DMXL2: variants seen among roughly 807,000 people sequenced by gnomAD.
DMXL2 encodes dmX-like protein 2.
A neutral mutation model predicts 331.1 loss-of-function variants in DMXL2; 103 were observed. The observed-to-expected ratio is 0.31, with a 90% confidence interval of 0.27 to 0.37. The LOEUF is 0.37. DMXL2 is among the 10% of genes least tolerant of loss of function. The probability of loss-of-function intolerance (pLI) is 1.00; values close to 1 mark genes in which losing one functional copy is unlikely to be tolerated. For synonymous variants in DMXL2, 1,281 were observed against 1,252.1 expected, an observed-to-expected ratio of 1.02 and a Z score of -0.49; for missense variants, 3,171 against 3,642.9, an observed-to-expected ratio of 0.87 and a Z score of 3.33.
chr15:51,547,118 T>C, intron 7 of DMXL2, 112 bp downstream of exon 7: 1 of 699,036 alleles, frequency 1.4e-6, no homozygotes, highest in South Asian at 3.0e-5. Flanking sequence ...GGCAGCTTGA[T>C]GCCAGAGCCT....
intron 13 of DMXL2, among the ~76,000 whole-genome samples, chr15:51,526,356 C>A (rs1450098352): frequency 6.6e-6 from 1 of 152,126 alleles, no homozygotes; most frequent in Non-Finnish European, 1.5e-5. Flanking sequence ...GGCTTGGGGT[C>A]CCCCCAAAGC....
In DMXL2 at chr15:51,535,721, TAG is replaced by T; in HGVS notation, c.2376_2377del (p.Tyr793SerfsTer12). 1.2e-6 allele frequency: 2 copies of T among 1,610,438 alleles called. No individual in the cohort carries two copies. Among genetic ancestry groups the T allele is most frequent in the Non-Finnish European group, 1.7e-6 (2 of 1,178,172 alleles). On this transcript the variant is annotated frameshift_variant, in exon 13 of 44. Transcript: ENST00000560891. LOFTEE classifies it high-confidence loss of function. The stretch of plus-strand genomic sequence containing the variant: ...TTTCCTTGCATCCACTACAGCTTGA[TAG>T]AGTCTCAGATTTTTGCCATCAGAAG...
chr15:51,575,612 T>C (rs540774450), intron 2 of DMXL2, among the ~76,000 whole-genome samples: 18 of 152,300 alleles, frequency 1.2e-4, no homozygotes, highest in African/African-American at 4.3e-4. Context: ...AAATCTTTCA[T>C]TATGTTAACA....
intron 15 of DMXL2, among the ~76,000 whole-genome samples, chr15:51,511,303 G>A (rs763762713): frequency 3.0e-4 from 46 of 152,084 alleles, no homozygotes; most frequent in Non-Finnish European, 5.4e-4. Flanking sequence ...ATCTGACAAA[G>A]GGCTAATATC....
intron 13 of DMXL2, among the ~76,000 whole-genome samples, chr15:51,527,934 C>A (rs1397099223): frequency 4.0e-5 from 6 of 151,468 alleles, no homozygotes; most frequent in African/African-American, 1.5e-4. Context: ...AAAGTTGTAG[C>A]AGGACAAAGT....
chr15:51,564,099 A>C (rs373108749), intron 5 of DMXL2, 26 bp downstream of exon 5: 80 of 1,571,760 alleles, frequency 5.1e-5, no homozygotes, highest in Non-Finnish European at 6.0e-6. Flanking sequence ...TAATTAATGA[A>C]TATAACAATA....
rs2043480674 is a variant in DMXL2, at chr15:51,500,128, T to G, written c.3096A>C (p.Glu1032Asp). 1.9e-6 allele frequency: 3 copies of G among 1,614,180 alleles called. No individual in the cohort carries two copies. The highest frequency in any genetic ancestry group is 2.5e-6 in the Non-Finnish European group (3 of 1,180,012). The change falls in exon 18 of 44, where the codon GAA (glutamate) becomes GAC (aspartate). Residue 1032 changes from glutamate (E) to aspartate (D), a missense_variant. This residue lies in a region of DMXL2 where 1,674 missense variants were observed against 1,780.2 expected (regional missense o/e 0.94). Coordinates refer to ENST00000560891, the MANE Select transcript of DMXL2 (RefSeq NM_001378457.1). ...NKVRFWKCCM[E>D]ANPECNKSDE... ...CACTTTTATTACACTCTGGGTTGGC[T>G]TCCATACAACATTTCCAGAAGCGTA...
intron 23 of DMXL2, among the ~76,000 whole-genome samples, chr15:51,483,290 G>C (rs1335676162): frequency 6.6e-6 from 1 of 152,162 alleles, no homozygotes; most frequent in Non-Finnish European, 1.5e-5. Context: ...GTCACCTCTG[G>C]CATGCGCACT....
Position 51,464,708 on chromosome 15 carries a change from T to C in DMXL2, c.7775A>G (p.Lys2592Arg). ...VGAGPAILRN[K>R]AMLEPENTPF... is the part of the protein sequence containing the mutation. ...GGTATTTTCAGGTTCTAGCATTGCT[T>C]TATTTCGAAGAATAGCTGGTCCAGC... is the stretch of plus-strand genomic sequence containing the variant. The change falls in exon 32 of 44, where the codon AAA becomes AGA. Residue 2592 changes from lysine to arginine, a missense_variant. By Grantham distance (26) the Lys-to-Arg change is conservative (BLOSUM62 2). Transcript: ENST00000560891. The C allele has an allele frequency of 6.2e-7, 1 of 1,614,170 alleles. No homozygotes were observed. The highest frequency in any genetic ancestry group is 8.5e-7 in the Non-Finnish European group (1 of 1,180,006).
chr15:51,577,213 G>A (rs1238228062), intron 1 of DMXL2, among the ~76,000 whole-genome samples: 1 of 152,148 alleles, frequency 6.6e-6, no homozygotes, highest in Admixed American at 6.6e-5. Flanking sequence ...CCCTTAAGCA[G>A]TGTGGTTACG....
In DMXL2 at chr15:51,471,335, G is replaced by A. The variant is rs1037429680; in HGVS notation, c.7280C>T (p.Pro2427Leu). ...RRRFNMRMLV[P>L]GRPVKDATPP... ...GGTAGCATCTTTTACAGGCCTTCCA[G>A]GGACGAGCATTCTCATGTTAAATCT... The change falls in exon 29 of 44, where the codon CCT becomes CTT. Residue 2427 changes from proline to leucine, a missense_variant. This residue lies in a region of DMXL2 where 766 missense variants were observed against 940.5 expected (regional missense o/e 0.81). Transcript: ENST00000560891. The A allele has an allele frequency of 6.2e-7, 1 of 1,613,720 alleles. No individual in the cohort carries two copies. Among genetic ancestry groups the A allele is most frequent in the African/African-American group, 1.3e-5 (1 of 74,842 alleles).
In DMXL2 at chr15:51,502,852, A is replaced by T. The variant is rs1325692224; in HGVS notation, c.2946T>A (p.Leu982=). The change falls in exon 17 of 44, where the codon CTT becomes CTA. Residue 982 remains leucine (L), a synonymous_variant. Transcript: ENST00000560891. ...LSSRLVYSQP[L]DLPESVEVIR... ...TTACTTCAACTGATTCTGGGAGATC[A>T]AGGGGTTGGCTATACACCAGTCTAG... 2 of 1,614,000 alleles carry T rather than the reference A, an allele frequency of 1.2e-6. No homozygotes were observed. Among genetic ancestry groups the T allele is most frequent in the Non-Finnish European group, 1.7e-6 (2 of 1,180,014 alleles).
At chr15:51,492,038 T>C (rs1184717881) in intron 19 of DMXL2, among the ~76,000 whole-genome samples, 1 of 152,196 alleles carries the variant, frequency 6.6e-6, no homozygotes, top group African/African-American at 2.4e-5. Context: ...AATATTTGAA[T>C]ATCAGGCCAT....
rs1469022960 is a variant in DMXL2 at position 51,536,626 on chromosome 15, A to ATCTATGTGT, written c.1845_1853dup (p.Ile617_Asp618insGluHisIle). The ATCTATGTGT allele has an allele frequency of 6.2e-7, 1 of 1,614,024 alleles. No homozygotes were observed. The highest frequency in any genetic ancestry group is 1.3e-5 in the African/African-American group (1 of 74,938). ...TGACTGCCCACTGATTTAAAGAACC[A>ATCTATGTGT]TCTATGTGTTTAGAGATCATCATTA... On this transcript the variant is annotated inframe_insertion, in exon 12 of 44. Coordinates refer to ENST00000560891, the MANE Select transcript of DMXL2 (RefSeq NM_001378457.1).
rs2040431203 is a variant in DMXL2 at position 51,464,788 on chromosome 15, A to G, written c.7695T>C (p.Phe2565=). Residue 2565 remains phenylalanine, a synonymous_variant, in exon 32 of 44, where the codon TTT becomes TTC. Coordinates refer to ENST00000560891, the MANE Select transcript of DMXL2 (RefSeq NM_001378457.1). ...TGATATAGTTAGGGGGTGGACCTTC[A>G]AACTGATCCATTTTCTCTTGCAAGA... is the stretch of plus-strand genomic sequence containing the variant. The part of the protein sequence containing the change: ...EQILQEKMDQ[F]EGPPPNYINT... 6.2e-7 allele frequency: 1 copy of G among 1,614,128 alleles called. No homozygotes were observed. The highest frequency in any genetic ancestry group is 2.2e-5 in the East Asian group (1 of 44,864).
At chr15:51,488,441 G>A (rs2042558161) in intron 21 of DMXL2, 107 bp downstream of exon 21, 4 of 980,910 alleles carry the variant, frequency 4.1e-6, no homozygotes, top group Non-Finnish European at 6.2e-6. Flanking sequence ...GCATAGAAGT[G>A]GATTTGATGA....
chr15:51,466,363 A>G (rs2040572630), intron 29 of DMXL2, 52 bp from the exon 30 acceptor site: 1 of 705,444 alleles, frequency 1.4e-6, no homozygotes, highest in African/African-American at 1.9e-5. Flanking sequence ...TCATAAACAT[A>G]TAAAATATAT....
intron 41 of DMXL2, 110 bp from the exon 42 acceptor site, chr15:51,451,807 TTTGTTCAC>T: frequency 1.1e-6 from 1 of 897,216 alleles, no homozygotes; most frequent in Non-Finnish European, 1.8e-6. Flanking sequence ...TCTTATCTTT[TTTGTTCAC>T]TCACACCTAT....
intron 9 of DMXL2, among the ~76,000 whole-genome samples, chr15:51,539,894 G>GA (rs755079323): frequency 5.3e-5 from 8 of 152,124 alleles, no homozygotes; most frequent in Non-Finnish European, 1.0e-4. Context: ...AAAAAGAAGT[G>GA]AAAATCTAAA....
Sources: allele counts gnomAD v4.1 joint callset (sites outside exome capture counted in the v4.1 genomes callset), GRCh38; gene constraint gnomAD v4.1.1; regional missense constraint gnomAD v4.1.1; transcripts MANE v1.5; gene names NCBI Gene and HGNC (gene_info 2026-07-23, HGNC 2026-07-21).